SLC1A6: variants seen among roughly 807,000 people sequenced by gnomAD.
SLC1A6 encodes the protein excitatory amino acid transporter 4.
A neutral mutation model predicts 42.1 loss-of-function variants in SLC1A6; 15 were observed. The observed-to-expected ratio is 0.36, with a 90% CI of 0.24 to 0.55. SLC1A6 has a LOEUF of 0.55. SLC1A6 is among the 20% of genes least tolerant of loss of function. The pLI is 0.88. For missense variants in SLC1A6, 542 were observed against 772.5 expected, an observed-to-expected ratio of 0.70 and a Z score of 3.54; for synonymous variants, 317 against 319.7, an observed-to-expected ratio of 0.99 and a Z score of 0.09.
At chr19:14,968,199 G>T in intron 4 of SLC1A6, 104 bp downstream of exon 4, 1 of 956,828 alleles carries the variant, frequency 1.0e-6, no homozygotes, top group Non-Finnish European at 1.6e-6. Context: ...CCGGACGCAT[G>T]CTTCCCAGCC....
chr19:14,962,744 A>T (rs934970665), intron 5 of SLC1A6, among the ~76,000 whole-genome samples: 1 of 152,118 alleles, frequency 6.6e-6, no homozygotes, highest in African/African-American at 2.4e-5. Flanking sequence ...CTCTACTAAA[A>T]ATACAAAAAT....
At chr19:14,958,022 C>A (rs1034937262) in intron 6 of SLC1A6, among the ~76,000 whole-genome samples, 1 of 152,178 alleles carries the variant, frequency 6.6e-6, no homozygotes, top group South Asian at 2.1e-4. Flanking sequence ...CTGTTTCCCC[C>A]CATAATCCAG....
chr19:14,954,176 A>T lies in SLC1A6; in HGVS notation c.1323T>A (p.Val441=). The T allele has an allele frequency of 3.1e-6, 5 of 1,613,424 alleles. No homozygotes were observed. Among genetic ancestry groups the T allele is most frequent in the South Asian group, 2.2e-5 (2 of 90,974 alleles). The part of the protein sequence containing the change: ...EALAAIFIAQ[V]NNYELNLGQI... ...GACCCAGGTTGAGCTCGTAGTTGTT[A>T]ACTTGAGCAATGAAGATGGCAGCCA... Residue 441 remains valine (V), a synonymous_variant, in exon 8 of 10, where the codon GTT becomes GTA. Transcript: ENST00000594383.
chr19:14,965,316 G>T (rs889456916), intron 4 of SLC1A6, among the ~76,000 whole-genome samples: 2 of 152,148 alleles, frequency 1.3e-5, no homozygotes, highest in Non-Finnish European at 2.9e-5. Flanking sequence ...ACTGCGCCTG[G>T]CTGAGAGATT....
chr19:14,951,375 A>C (rs2045412057), intron 9 of SLC1A6, among the ~76,000 whole-genome samples: 1 of 152,098 alleles, frequency 6.6e-6, no homozygotes. Context: ...GGCAGGCCTG[A>C]GTCAATACAG....
intron 7 of SLC1A6, among the ~76,000 whole-genome samples, chr19:14,955,081 AT>A (rs1203204488): frequency 1.4e-4 from 21 of 152,124 alleles, no homozygotes. Context: ...TGGGCATCTC[AT>A]TTGGGGTAAG....
At chr19:14,956,857 C>T (rs569273531) in intron 6 of SLC1A6, 148 bp from the exon 7 acceptor site, 28 of 582,772 alleles carry the variant, frequency 4.8e-5, no homozygotes, top group Non-Finnish European at 7.6e-5. Context: ...CAGTCTTCCC[C>T]GTACACTAAT....
At chr19:14,952,129 T>A (rs1568282856) in intron 9 of SLC1A6, among the ~76,000 whole-genome samples, 1 of 152,032 alleles carries the variant, frequency 6.6e-6, no homozygotes, top group Non-Finnish European at 1.5e-5. Flanking sequence ...CTCCTGTTTT[T>A]AAAAATTGAG....
intron 1 of SLC1A6, among the ~76,000 whole-genome samples, chr19:14,991,513 C>T (rs1404341705): frequency 1.3e-5 from 2 of 151,764 alleles, no homozygotes; most frequent in Non-Finnish European, 1.5e-5. Flanking sequence ...ATCCCAGCTA[C>T]TCAGGAGGCT....
At position 14,950,075 on chromosome 19, in the gene SLC1A6, C is replaced by A. The variant is rs545941639; in HGVS notation, c.*120G>T. 6 of 628,678 alleles carry A rather than the reference C, an allele frequency of 9.5e-6. No individual in the cohort carries two copies. Among genetic ancestry groups the A allele is most frequent in the African/African-American group, 3.7e-5 (2 of 53,976 alleles). 38.9% of individuals were successfully genotyped at this position (628,678 alleles called of 1,614,324 possible). ...CCTTTATTTCACTTTTCCCTCCCCC[C>A]TAAATGAGTCAAGCAGAACGTGTGT... On this transcript the variant is annotated 3_prime_UTR_variant, in exon 10 of 10. Transcript: ENST00000594383.
upstream of SLC1A6, among the ~76,000 whole-genome samples, chr19:14,980,731 G>A (rs937136024): frequency 6.6e-6 from 1 of 151,208 alleles, no homozygotes; most frequent in Non-Finnish European, 1.5e-5. Context: ...TGTTGATGGC[G>A]ACCTCCTGAA....
intron 8 of SLC1A6, among the ~76,000 whole-genome samples, chr19:14,953,445 A>G (rs1241049537): frequency 1.3e-5 from 2 of 151,692 alleles, no homozygotes; most frequent in African/African-American, 4.8e-5. Flanking sequence ...ATGGGGTTTC[A>G]CCATGTTGGC....
At position 15,010,225 on chromosome 19, in the gene SLC1A6, G is replaced by GAGAAAAGAAAAGAAAAGAAAAGAAA. The variant is rs145113862; in HGVS notation, c.6+259_6+260insTTTCTTTTCTTTTCTTTTCTTTTCT. On this transcript the variant is annotated intron_variant, in intron 1 of 8. Coordinates refer to the SLC1A6 transcript ENST00000430939. ...AAGAAAGAAAAAAGAAAGAGAGAGA[G>GAGAAAAGAAAAGAAAAGAAAAGAAA]AGAAAAGAAAAGAAAAGAAAACGTA... Among the ~76,000 whole-genome samples the GAGAAAAGAAAAGAAAAGAAAAGAAA allele has an allele frequency of 2.2e-3, 196 of 89,922 alleles. 1 individual carries two copies. Among genetic ancestry groups the GAGAAAAGAAAAGAAAAGAAAAGAAA allele is most frequent in the African/African-American group, 6.1e-3 (184 of 30,208 alleles). The allele number at this position is 89,922 out of a possible 152,430, so 59.0% of individuals were successfully genotyped here.
At chr19:14,994,210 T>C (rs2045834230) in intron 1 of SLC1A6, among the ~76,000 whole-genome samples, 1 of 152,002 alleles carries the variant, frequency 6.6e-6, no homozygotes, top group African/African-American at 2.4e-5. Flanking sequence ...TGTCTTCTGG[T>C]TGGCTTCAAG....
At chr19:14,995,353 G>A (rs766594641) in intron 1 of SLC1A6, among the ~76,000 whole-genome samples, 18,711 of 106,250 alleles carry the variant, frequency 0.18, 2,237 homozygotes, top group Non-Finnish European at 0.23. Context: ...AAGAAAGAAA[G>A]AAAGAAAGAA....
intron 4 of SLC1A6, among the ~76,000 whole-genome samples, 200 bp from the exon 5 acceptor site, chr19:14,964,561 C>T (rs1435864661): frequency 6.6e-6 from 1 of 152,118 alleles, no homozygotes; most frequent in Non-Finnish European, 1.5e-5. Flanking sequence ...TATTGAATGC[C>T]GCCTTTCACA....
rs760942344 is a variant in SLC1A6 at position 14,950,172 on chromosome 19, G to T, written c.*23C>A. The T allele has an allele frequency of 1.1e-5, 9 of 818,010 alleles. No individual in the cohort carries two copies. The Admixed American group carries it at 1.2e-4, about 11-fold the overall frequency. 50.7% of individuals were successfully genotyped at this position (818,010 alleles called of 1,614,324 possible). ...TCCCCAGCCCCCTTCCCTCCTCTCTGGGGGGGCAGAGCTGGAGGCCCCTCA... is the reference window on the plus strand; with the variant it reads ...TCCCCAGCCCCCTTCCCTCCTCTCTTGGGGGGCAGAGCTGGAGGCCCCTCA... On this transcript the variant is annotated 3_prime_UTR_variant, in exon 10 of 10. Coordinates refer to ENST00000594383, the MANE Select transcript of SLC1A6 (RefSeq NM_005071.3).
upstream of SLC1A6, among the ~76,000 whole-genome samples, chr19:14,980,772 T>A (rs939854409): frequency 6.6e-6 from 1 of 151,862 alleles, no homozygotes; most frequent in Non-Finnish European, 1.5e-5. Context: ...ATACTTATAT[T>A]TAATCTACAC....
At chr19:14,960,016 T>C (rs2045495135) in intron 6 of SLC1A6, among the ~76,000 whole-genome samples, 1 of 152,234 alleles carries the variant, frequency 6.6e-6, no homozygotes, top group African/African-American at 2.4e-5. Context: ...ATGAGTGCAC[T>C]GTATCTCTGT....
Sources: gnomAD v4.1 joint callset for allele counts (sites outside exome capture counted in the v4.1 genomes callset) on GRCh38, gnomAD v4.1.1 for gene constraint, MANE v1.5 for transcripts, NCBI Gene and HGNC (gene_info 2026-07-23, HGNC 2026-07-21) for gene names.